SAMD12: variants seen among roughly 807,000 people sequenced by gnomAD.
SAMD12 encodes sterile alpha motif domain-containing protein 12.
SAMD12 carries 9 observed loss-of-function variants against 15.0 expected under a neutral mutation model. The ratio of observed to expected loss-of-function variants is 0.60; its 90% CI spans 0.36 to 1.05. The LOEUF is 1.05. Among genes scored for constraint, SAMD12 ranks in the 50% least tolerant of loss-of-function variants. The probability of loss-of-function intolerance (pLI) is 0.01; values close to 1 mark genes in which losing one functional copy is unlikely to be tolerated. For missense variants in SAMD12, 230 were observed against 234.2 expected (o/e 0.98, Z 0.12); for synonymous variants, 86 against 90.1 (o/e 0.96, Z 0.25).
chr8:118,542,054 G>A (rs758194859), intron 2 of SAMD12, among the ~76,000 whole-genome samples: 1 of 152,168 alleles, frequency 6.6e-6, no homozygotes, highest in Non-Finnish European at 1.5e-5. Context: ...AAGGTGAGAT[G>A]AGCAGGCAAT....
At chr8:118,563,790 C>T (rs943893225) in intron 2 of SAMD12, among the ~76,000 whole-genome samples, 1 of 152,176 alleles carries the variant, frequency 6.6e-6, no homozygotes, top group Non-Finnish European at 1.5e-5. Context: ...TTTCTAATGT[C>T]CATTTCAACA....
At chr8:118,323,341 G>A (rs1586526187) in intron 4 of SAMD12, among the ~76,000 whole-genome samples, 1 of 152,254 alleles carries the variant, frequency 6.6e-6, no homozygotes, top group East Asian at 1.9e-4. Context: ...GGTGACAAGT[G>A]CTGCATGCAT....
chr8:118,481,535 A>G (rs947236695), intron 2 of SAMD12, among the ~76,000 whole-genome samples: 1 of 152,194 alleles, frequency 6.6e-6, no homozygotes, highest in Admixed American at 6.5e-5. Context: ...TTAATTTTCT[A>G]TAAGGAATAA....
At chr8:118,233,950 T>C (rs1812371885) in intron 4 of SAMD12, among the ~76,000 whole-genome samples, 1 of 152,062 alleles carries the variant, frequency 6.6e-6, no homozygotes, top group African/African-American at 2.4e-5. Context: ...TAGTTGTGAG[T>C]AGAACTGGTT....
intron 4 of SAMD12, among the ~76,000 whole-genome samples, chr8:118,200,158 C>T (rs1392669146): frequency 6.6e-6 from 1 of 152,132 alleles, no homozygotes; most frequent in East Asian, 1.9e-4. Flanking sequence ...GCCTCCCCAG[C>T]CACGTGGAAC....
chr8:118,233,219 A>G (rs916414178), intron 4 of SAMD12, among the ~76,000 whole-genome samples: 7 of 152,182 alleles, frequency 4.6e-5, no homozygotes, highest in African/African-American at 1.7e-4. Context: ...CAGTCAGTTT[A>G]CTGCCTGAAA....
At chr8:118,520,450 C>T (rs984386214) in intron 2 of SAMD12, among the ~76,000 whole-genome samples, 12 of 151,994 alleles carry the variant, frequency 7.9e-5, no homozygotes, top group Admixed American at 4.6e-4. Flanking sequence ...TATTTTTCTC[C>T]GCATTATTAG....
intron 4 of SAMD12, among the ~76,000 whole-genome samples, chr8:118,313,615 T>A (rs1815738438): frequency 6.6e-6 from 1 of 152,056 alleles, no homozygotes; most frequent in South Asian, 2.1e-4. Flanking sequence ...ACAGAATGTG[T>A]AACAAGAGAC....
intron 4 of SAMD12, among the ~76,000 whole-genome samples, chr8:118,288,555 T>C (rs1814182286): frequency 6.6e-6 from 1 of 152,176 alleles, no homozygotes; most frequent in South Asian, 2.1e-4. Flanking sequence ...TAGTCCACAA[T>C]AACTAGCAAG....
the SAMD12 span, among the ~76,000 whole-genome samples, chr8:118,167,670 C>T: frequency 6.6e-6 from 1 of 152,054 alleles, no homozygotes; most frequent in African/African-American, 2.4e-5. Context: ...TTTTTGCCTC[C>T]CTTTGCTGAC....
At chr8:118,459,554 A>G (rs1563873336) in intron 2 of SAMD12, among the ~76,000 whole-genome samples, 1 of 152,220 alleles carries the variant, frequency 6.6e-6, no homozygotes, top group Non-Finnish European at 1.5e-5. Context: ...ACTGCATCTT[A>G]TAATTCAAAT....
At chr8:118,131,920 T>C in the SAMD12 span, among the ~76,000 whole-genome samples, 1 of 152,194 alleles carries the variant, frequency 6.6e-6, no homozygotes, top group African/African-American at 2.4e-5. Flanking sequence ...ACAAGTTACA[T>C]AGTACTGTAG....
At chr8:118,237,055 G>A (rs188886344) in intron 4 of SAMD12, among the ~76,000 whole-genome samples, 168 of 152,270 alleles carry the variant, frequency 1.1e-3, no homozygotes, top group African/African-American at 3.9e-3. Context: ...AGTTGAGGAT[G>A]GTGGTTATGA....
chr8:118,192,025 G>T (rs972463400), exon 5 of SAMD12: 13 of 151,264 alleles, frequency 8.6e-5, no homozygotes, highest in African/African-American at 2.7e-4. Context: ...TGAGAAGATG[G>T]GAGAAGACCA....
chr8:118,345,975 A>G (rs1586572689), intron 4 of SAMD12, among the ~76,000 whole-genome samples: 1 of 152,208 alleles, frequency 6.6e-6, no homozygotes, highest in Non-Finnish European at 1.5e-5. Context: ...GCTGGGGCTA[A>G]CCACCGTCTC....
At chr8:118,189,026 C>G (rs888885845), downstream of SAMD12, among the ~76,000 whole-genome samples, 1 of 152,106 alleles carries the variant, frequency 6.6e-6, no homozygotes, top group East Asian at 1.9e-4. Flanking sequence ...ATCAATCATA[C>G]TATTATTAGC....
chr8:118,419,620 G>C (rs1300558751), intron 3 of SAMD12, among the ~76,000 whole-genome samples: 2 of 152,104 alleles, frequency 1.3e-5, no homozygotes, highest in African/African-American at 4.8e-5. Flanking sequence ...TGGGAGAGAG[G>C]CTATTCTTTT....
chr8:118,206,407 G>A lies in SAMD12; in HGVS notation c.434-8675C>T, dbSNP rs17484902. On this transcript the variant is annotated intron_variant, in intron 4 of 4. Coordinates refer to the SAMD12 transcript ENST00000409003. The stretch of plus-strand genomic sequence containing the variant: ...AATCCTGGATATAATACAGTGCAGT[G>A]ATCCAAATATTTAGAGTGAGGCAGA... Among the ~76,000 whole-genome samples the A allele has an allele frequency of 4.4e-3, 664 of 152,262 alleles. 3 individuals are homozygous for A. Among genetic ancestry groups the A allele is most frequent in the African/African-American group, 0.015 (625 of 41,536 alleles).
chr8:118,446,019 T>C (rs1822900890), intron 2 of SAMD12, among the ~76,000 whole-genome samples: 1 of 152,182 alleles, frequency 6.6e-6, no homozygotes, highest in Non-Finnish European at 1.5e-5. Context: ...ATTTTTATGA[T>C]TAACAAGTAA....
Sources: allele counts gnomAD v4.1 joint callset (sites outside exome capture counted in the v4.1 genomes callset), GRCh38; gene constraint gnomAD v4.1.1; transcripts MANE v1.5; gene names NCBI Gene and HGNC (gene_info 2026-07-23, HGNC 2026-07-21).